Variants in CERS3 observed in about 807,000 individuals in gnomAD.
The protein encoded by CERS3 is LAG1 homolog, ceramide synthase 3.
Under a neutral mutation model 50.3 loss-of-function variants are expected in CERS3, and 33 were observed. The ratio of observed to expected loss-of-function variants is 0.66; its 90% CI spans 0.50 to 0.88. The LOEUF (loss-of-function observed/expected upper bound fraction) is 0.88, where lower values mean the gene tolerates loss of function less well. CERS3 is among the 40% of genes least tolerant of loss of function. The probability of loss-of-function intolerance (pLI) is 0.00; values close to 1 mark genes in which losing one functional copy is unlikely to be tolerated. For synonymous variants in CERS3, 176 were observed against 155.2 expected, an observed-to-expected ratio of 1.13 and a Z score of -0.99; for missense variants, 470 against 460.3, an observed-to-expected ratio of 1.02 and a Z score of -0.19.
At chr15:100,491,876 C>T (rs2035663090) in intron 3 of CERS3, among the ~76,000 whole-genome samples, 1 of 139,098 alleles carries the variant, frequency 7.2e-6, no homozygotes, top group African/African-American at 2.6e-5. Flanking sequence ...TTCTTGATTT[C>T]TTTCTGTTAT....
chr15:100,428,723 A>G (rs561253279), intron 11 of CERS3, among the ~76,000 whole-genome samples: 2 of 152,350 alleles, frequency 1.3e-5, no homozygotes, highest in South Asian at 4.1e-4. Context: ...ATAACTTACA[A>G]TCTATTGAAA....
At chr15:100,527,684 G>A (rs961167405) in intron 1 of CERS3, among the ~76,000 whole-genome samples, 1 of 152,198 alleles carries the variant, frequency 6.6e-6, no homozygotes. Flanking sequence ...TCTGAAAGTG[G>A]CGTATCATGA....
intron 11 of CERS3, among the ~76,000 whole-genome samples, chr15:100,451,189 A>T (rs1186451856): frequency 2.0e-5 from 3 of 152,144 alleles, no homozygotes; most frequent in Non-Finnish European, 4.4e-5. Context: ...AAACCACCAA[A>T]CCACAATGAT....
At chr15:100,537,581 T>A (rs2037103964) in intron 1 of CERS3, among the ~76,000 whole-genome samples, 1 of 152,136 alleles carries the variant, frequency 6.6e-6, no homozygotes, top group Admixed American at 6.5e-5. Flanking sequence ...GAAGAGCGCC[T>A]TATGAAACCA....
intron 1 of CERS3, among the ~76,000 whole-genome samples, chr15:100,538,240 G>T (rs1421072074): frequency 6.6e-6 from 1 of 152,180 alleles, no homozygotes; most frequent in Non-Finnish European, 1.5e-5. Context: ...GGAGCACAGT[G>T]CAAGCTGCCA....
chr15:100,440,219 T>G (rs2033618385), intron 11 of CERS3, among the ~76,000 whole-genome samples: 1 of 152,180 alleles, frequency 6.6e-6, no homozygotes, highest in African/African-American at 2.4e-5. Context: ...CTTGTCTCAG[T>G]TACTTCGACT....
chr15:100,445,677 C>T (rs1389529132), intron 11 of CERS3, among the ~76,000 whole-genome samples: 3 of 152,204 alleles, frequency 2.0e-5, no homozygotes, highest in Admixed American at 2.0e-4. Flanking sequence ...CCCCTAATCC[C>T]ACTCGAAGCA....
intron 11 of CERS3, among the ~76,000 whole-genome samples, chr15:100,406,088 T>C (rs1372214842): frequency 1.3e-5 from 2 of 152,198 alleles, no homozygotes; most frequent in Non-Finnish European, 2.9e-5. Flanking sequence ...AAAAATAACA[T>C]TGCCCCGAGG....
intron 11 of CERS3, among the ~76,000 whole-genome samples, chr15:100,428,053 G>A (rs1248700484): frequency 6.6e-6 from 1 of 152,174 alleles, no homozygotes; most frequent in Non-Finnish European, 1.5e-5. Flanking sequence ...AGGAACTGAA[G>A]GTTATAGTGC....
At chr15:100,488,022 G>A (rs2035538515) in intron 4 of CERS3, among the ~76,000 whole-genome samples, 1 of 152,144 alleles carries the variant, frequency 6.6e-6, no homozygotes, top group Non-Finnish European at 1.5e-5. Flanking sequence ...TGATCTGTTG[G>A]TCAGAGTTGT....
chr15:100,473,142 T>C lies in CERS3; in HGVS notation c.610-90A>G, dbSNP rs2035022544. On this transcript the variant is annotated intron_variant, in intron 8 of 11. Coordinates refer to ENST00000679737, the MANE Select transcript of CERS3 (RefSeq NM_001378789.1). The stretch of plus-strand genomic sequence containing the variant: ...ATAATCATAATAATAATGAGACCAA[T>C]AACTTACATCTGCATGTTTTGAAAT... The C allele has an allele frequency of 1.5e-5, 20 of 1,335,278 alleles. No individual in the cohort carries two copies. In the East Asian group the frequency reaches 4.7e-4, roughly 32 times the overall value. 82.7% of individuals were successfully genotyped at this position (1,335,278 alleles called of 1,614,324 possible).
intron 11 of CERS3, among the ~76,000 whole-genome samples, chr15:100,413,706 T>C (rs2031668201): frequency 6.6e-6 from 1 of 151,090 alleles, no homozygotes; most frequent in Non-Finnish European, 1.5e-5. Context: ...CTCATACATT[T>C]GGTTAGAAAA....
chr15:100,417,879 T>C (rs1004171881), intron 11 of CERS3, among the ~76,000 whole-genome samples: 3 of 151,872 alleles, frequency 2.0e-5, no homozygotes, highest in Non-Finnish European at 2.9e-5. Flanking sequence ...TCCTCTCTGT[T>C]AGAAGGAAAA....
chr15:100,450,475 G>GA (rs1264349697), intron 11 of CERS3, among the ~76,000 whole-genome samples: 2 of 146,810 alleles, frequency 1.4e-5, no homozygotes, highest in African/African-American at 5.0e-5. Context: ...TTCAGAACTT[G>GA]AAGACAGGTC....
chr15:100,515,979 G>T (rs1228171215), intron 2 of CERS3, among the ~76,000 whole-genome samples: 1 of 152,138 alleles, frequency 6.6e-6, no homozygotes, highest in African/African-American at 2.4e-5. Context: ...TTAGTGTCGG[G>T]CACAAGTGAC....
At chr15:100,509,184 T>G (rs1567672184) in intron 2 of CERS3, among the ~76,000 whole-genome samples, 1 of 152,190 alleles carries the variant, frequency 6.6e-6, no homozygotes, top group Non-Finnish European at 1.5e-5. Flanking sequence ...AATGTGTAAA[T>G]GAAGCCTGTT....
At chr15:100,441,954 G>T (rs989438213) in intron 11 of CERS3, among the ~76,000 whole-genome samples, 2 of 151,784 alleles carry the variant, frequency 1.3e-5, no homozygotes, top group Admixed American at 6.6e-5. Context: ...ACCAGGCTGA[G>T]CTAGGTCCCA....
At chr15:100,439,811 C>A (rs1255417439) in intron 11 of CERS3, among the ~76,000 whole-genome samples, 2 of 152,162 alleles carry the variant, frequency 1.3e-5, no homozygotes. Context: ...TGAAGTCATA[C>A]AAACTGCAAG....
At chr15:100,424,410 A>T (rs960739801) in intron 11 of CERS3, among the ~76,000 whole-genome samples, 3 of 152,230 alleles carry the variant, frequency 2.0e-5, no homozygotes, top group African/African-American at 7.2e-5. Context: ...AGTGAGGGAA[A>T]GTTTGGAATT....
Sources: allele counts gnomAD v4.1 joint callset (sites outside exome capture counted in the v4.1 genomes callset), GRCh38; gene constraint gnomAD v4.1.1; transcripts MANE v1.5; gene names NCBI Gene and HGNC (gene_info 2026-07-23, HGNC 2026-07-21).